GMPS: variants seen among roughly 807,000 people sequenced by gnomAD.
GMPS encodes the protein guanosine monophosphate synthase, also known as GMP synthase [glutamine-hydrolyzing].
Under a neutral mutation model 77.9 loss-of-function variants are expected in GMPS, and 15 were observed. That is an observed-to-expected ratio of 0.19 (90% CI 0.13 to 0.30). The LOEUF (loss-of-function observed/expected upper bound fraction) is 0.30. Among genes scored for constraint, GMPS ranks in the 10% least tolerant of loss-of-function variants. The pLI is 1.00. For missense variants in GMPS, 590 were observed against 838.8 expected, an observed-to-expected ratio of 0.70 and a Z score of 3.66; for synonymous variants, 224 against 275.9, an observed-to-expected ratio of 0.81 and a Z score of 1.86.
rs1035164628 is a variant in GMPS at position 155,938,069 on chromosome 3, A to G, written c.*377A>G. The G allele has an allele frequency of 8.3e-6, 2 of 242,230 alleles. No homozygotes were observed. Among genetic ancestry groups the G allele is most frequent in the African/African-American group, 4.4e-5 (2 of 45,498 alleles). 15.0% of individuals were successfully genotyped at this position (242,230 alleles called of 1,614,324 possible). ...TTTCTAAGAACTGTTAGAAACGCCC[A>G]TTATTTACCAGTGTTACTTACTACT... On this transcript the variant is annotated 3_prime_UTR_variant, in exon 16 of 16. Transcript: ENST00000496455.
At chr3:155,894,885 TA>T (rs1386489288) in intron 2 of GMPS, among the ~76,000 whole-genome samples, 1 of 152,214 alleles carries the variant, frequency 6.6e-6, no homozygotes, top group Non-Finnish European at 1.5e-5. Flanking sequence ...TTTAGAGTAA[TA>T]AGGGACCCTT....
chr3:155,892,863 C>T (rs1331666685), intron 1 of GMPS, among the ~76,000 whole-genome samples: 5 of 152,198 alleles, frequency 3.3e-5, no homozygotes. Flanking sequence ...AACTCGTGAC[C>T]TCAGGTAATC....
At chr3:155,891,182 A>G (rs190744313) in intron 1 of GMPS, among the ~76,000 whole-genome samples, 15 of 152,326 alleles carry the variant, frequency 9.8e-5, no homozygotes, top group Non-Finnish European at 1.9e-4. Flanking sequence ...CTGGTAATTA[A>G]CTAAACCTTG....
intron 4 of GMPS, among the ~76,000 whole-genome samples, chr3:155,904,902 CAAT>C (rs886818179): frequency 5.9e-5 from 9 of 152,172 alleles, no homozygotes; most frequent in Admixed American, 3.3e-4. Flanking sequence ...TCCTAAACAA[CAAT>C]GTCAACAACA....
chr3:155,891,899 C>G (rs1387455722), intron 1 of GMPS, among the ~76,000 whole-genome samples: 1 of 152,038 alleles, frequency 6.6e-6, no homozygotes, highest in Non-Finnish European at 1.5e-5. Flanking sequence ...AGCCACCATG[C>G]CTGAACGCTT....
chr3:155,920,923 G>A (rs907458164), intron 10 of GMPS, among the ~76,000 whole-genome samples: 12 of 152,182 alleles, frequency 7.9e-5, no homozygotes, highest in African/African-American at 2.4e-4. Flanking sequence ...TGCACACCTT[G>A]TGTTTTTATC....
chr3:155,897,400 A>G (rs1335258753), intron 2 of GMPS, among the ~76,000 whole-genome samples: 1 of 152,214 alleles, frequency 6.6e-6, no homozygotes, highest in African/African-American at 2.4e-5. Context: ...TCCTGGGCTC[A>G]GGGAAAATTG....
intron 9 of GMPS, among the ~76,000 whole-genome samples, chr3:155,917,383 A>G (rs1435617061): frequency 6.6e-6 from 1 of 152,172 alleles, no homozygotes; most frequent in Non-Finnish European, 1.5e-5. Flanking sequence ...TATACCCGTT[A>G]AAAAACAACT....
chr3:155,930,930 C>G (rs1755598900), intron 12 of GMPS, among the ~76,000 whole-genome samples: 1 of 152,156 alleles, frequency 6.6e-6, no homozygotes, highest in South Asian at 2.1e-4. Flanking sequence ...TCAGGTGATC[C>G]TCCTATCTCA....
At chr3:155,894,724 C>T (rs371124413) in intron 2 of GMPS, among the ~76,000 whole-genome samples, 2 of 152,070 alleles carry the variant, frequency 1.3e-5, no homozygotes, top group Admixed American at 6.6e-5. Flanking sequence ...GTTAAAAGAA[C>T]TTTTAAAGAC....
chr3:155,921,182 G>C (rs1318986673), intron 10 of GMPS, among the ~76,000 whole-genome samples: 1 of 152,202 alleles, frequency 6.6e-6, no homozygotes, highest in Non-Finnish European at 1.5e-5. Flanking sequence ...GAACCTGGGA[G>C]GTGGAAGTTG....
intron 12 of GMPS, among the ~76,000 whole-genome samples, chr3:155,931,104 G>A (rs1422886197): frequency 1.3e-5 from 2 of 151,902 alleles, no homozygotes; most frequent in Non-Finnish European, 2.9e-5. Context: ...AGGATTATAG[G>A]TGTGAGCTTC....
At chr3:155,899,912 T>G (rs1754693415) in intron 3 of GMPS, among the ~76,000 whole-genome samples, 2 of 152,210 alleles carry the variant, frequency 1.3e-5, no homozygotes, top group African/African-American at 4.8e-5. Flanking sequence ...CCATGTCTTT[T>G]CAGTCTGGGT....
intron 1 of GMPS, among the ~76,000 whole-genome samples, chr3:155,880,679 G>T (rs1229365976): frequency 6.6e-6 from 1 of 152,078 alleles, no homozygotes; most frequent in Non-Finnish European, 1.5e-5. Context: ...TAACAAAGTT[G>T]TTTTTAAAAA....
chr3:155,871,280 C>T (rs1753898805), intron 1 of GMPS, among the ~76,000 whole-genome samples: 1 of 152,028 alleles, frequency 6.6e-6, no homozygotes, highest in Non-Finnish European at 1.5e-5. Flanking sequence ...TCCTCGGCTC[C>T]CACCCCGTCC....
intron 3 of GMPS, among the ~76,000 whole-genome samples, chr3:155,899,848 T>C (rs991975232): frequency 1.3e-5 from 2 of 152,240 alleles, no homozygotes; most frequent in Non-Finnish European, 2.9e-5. Flanking sequence ...TCATACAGTA[T>C]GTAGCCTTTT....
chr3:155,889,603 TG>T (rs1350788694), intron 1 of GMPS, among the ~76,000 whole-genome samples: 1 of 152,204 alleles, frequency 6.6e-6, no homozygotes, highest in Non-Finnish European at 1.5e-5. Flanking sequence ...ACTTGTATTT[TG>T]GGGTTCTTGT....
Position 155,910,857 on chromosome 3 carries a change from AAGAG to A in GMPS, c.697_700del (p.Arg233Ter). On this transcript the variant is annotated frameshift_variant, in exon 6 of 16. Transcript: ENST00000496455. LOFTEE classifies it high-confidence loss of function. ...GAACTTGAGTGTATTCGAGAGATCA[AAGAG>A]AGAGTAGGCACGTCAAAAGTTTTGG... The A allele has an allele frequency of 6.3e-7, 1 of 1,596,102 alleles. No homozygotes were observed. The highest frequency in any genetic ancestry group is 8.5e-7 in the Non-Finnish European group (1 of 1,174,510).
chr3:155,870,148 C>T (rs565300837), upstream of GMPS, among the ~76,000 whole-genome samples: 30 of 152,352 alleles, frequency 2.0e-4, no homozygotes, highest in African/African-American at 7.2e-4. Flanking sequence ...CAATGACATC[C>T]TTGAGATATG....
Sources: gnomAD v4.1 joint callset for allele counts (sites outside exome capture counted in the v4.1 genomes callset) on GRCh38, gnomAD v4.1.1 for gene constraint, MANE v1.5 for transcripts, NCBI Gene and HGNC (gene_info 2026-07-23, HGNC 2026-07-21) for gene names.